IL6ST: variants seen among roughly 807,000 people sequenced by gnomAD.
The protein encoded by IL6ST is interleukin 6 cytokine family signal transducer.
A neutral mutation model predicts 91.3 loss-of-function variants in IL6ST; 24 were observed. That is an observed-to-expected ratio of 0.26 (90% CI 0.19 to 0.37). The LOEUF (loss-of-function observed/expected upper bound fraction) is 0.37. IL6ST is among the 10% of genes least tolerant of loss of function. The pLI is 1.00. For missense variants in IL6ST, 914 were observed against 1,078.5 expected (o/e 0.85, Z 2.14); for synonymous variants, 351 against 373.6 (o/e 0.94, Z 0.70).
At chr5:55,970,811 G>A (rs1752917608) in intron 3 of IL6ST, among the ~76,000 whole-genome samples, 1 of 152,152 alleles carries the variant, frequency 6.6e-6, no homozygotes, top group African/African-American at 2.4e-5. Flanking sequence ...GGAGGCTGAG[G>A]CATGAGAATC....
rs1010328786 is a variant in IL6ST at position 55,940,656 on chromosome 5, C to G, written c.*426G>C. The G allele has an allele frequency of 1.8e-5, 4 of 224,182 alleles. No individual in the cohort carries two copies. Among genetic ancestry groups the G allele is most frequent in the African/African-American group, 9.0e-5 (4 of 44,570 alleles). The allele number at this position is 224,182 out of a possible 1,614,324, so 13.9% of individuals were successfully genotyped here. ...GAAGTAGATGATGGTCTACACCTTG[C>G]TCCTCTTTTATATTAACTGTCCCTA... On this transcript the variant is annotated 3_prime_UTR_variant, in exon 17 of 17. Coordinates refer to ENST00000381298, the MANE Select transcript of IL6ST (RefSeq NM_002184.4).
rs1423909045 is a variant in IL6ST at position 55,937,168 on chromosome 5, A to T, written c.*3914T>A. The stretch of plus-strand genomic sequence containing the variant: ...CAGACAAAGCCTGTGTTCAAGAAAT[A>T]AAAAAAACATCTATCACTATCGGCC... On this transcript the variant is annotated 3_prime_UTR_variant, in exon 17 of 17. Transcript: ENST00000381298. The T allele has an allele frequency of 3.0e-5, 6 of 201,280 alleles. No individual in the cohort carries two copies. Among genetic ancestry groups the T allele is most frequent in the Non-Finnish European group, 4.8e-5 (5 of 103,828 alleles). The allele number at this position is 201,280 out of a possible 1,614,324, so 12.5% of individuals were successfully genotyped here.
chr5:55,941,850 G>T (rs368215119), intron 16 of IL6ST, 31 bp from the exon 17 acceptor site: 1 of 1,569,024 alleles, frequency 6.4e-7, no homozygotes, highest in Non-Finnish European at 8.7e-7. Flanking sequence ...TATATGGCAA[G>T]TATTAGTTAA....
chr5:55,977,013 T>C (rs778685854), intron 2 of IL6ST, among the ~76,000 whole-genome samples: 3 of 152,150 alleles, frequency 2.0e-5, no homozygotes, highest in Non-Finnish European at 4.4e-5. Context: ...TATACTCAAA[T>C]GTTCACAGCA....
intron 3 of IL6ST, among the ~76,000 whole-genome samples, chr5:55,974,956 T>TACACAC (rs3039924): frequency 4.4e-5 from 5 of 114,624 alleles, no homozygotes; most frequent in South Asian, 3.1e-4. Flanking sequence ...CACACACACA[T>TACACAC]ACACACACAC....
chr5:55,963,239 CA>C, intron 7 of IL6ST, 112 bp downstream of exon 7: 1 of 746,046 alleles, frequency 1.3e-6, no homozygotes, highest in South Asian at 2.1e-5. Flanking sequence ...GGTTATCAAG[CA>C]AAATATTTCA....
chr5:55,991,643 GAAT>G (rs985064074), intron 1 of IL6ST, among the ~76,000 whole-genome samples: 28 of 150,314 alleles, frequency 1.9e-4, no homozygotes, highest in African/African-American at 6.7e-4. Context: ...TTTAAAGGGT[GAAT>G]AATAATGCCA....
chr5:55,942,825 G>T, intron 15 of IL6ST, 74 bp from the exon 16 acceptor site: 1 of 776,970 alleles, frequency 1.3e-6, no homozygotes. Flanking sequence ...TTCTAAACAT[G>T]TTCATCAAAG....
intron 6 of IL6ST, 64 bp from the exon 7 acceptor site, chr5:55,963,570 T>C: frequency 8.9e-7 from 1 of 1,118,634 alleles, no homozygotes; most frequent in Admixed American, 2.1e-5. Flanking sequence ...AACTCAAATA[T>C]ACTCTTTATA....
At chr5:55,948,501 T>C (rs941674850) in intron 14 of IL6ST, among the ~76,000 whole-genome samples, 1 of 152,022 alleles carries the variant, frequency 6.6e-6, no homozygotes, top group African/African-American at 2.4e-5. Flanking sequence ...GAATAAACTA[T>C]GGGTTGGCAA....
intron 15 of IL6ST, among the ~76,000 whole-genome samples, chr5:55,943,110 C>T (rs913164266): frequency 1.3e-5 from 2 of 151,794 alleles, no homozygotes; most frequent in Non-Finnish European, 2.9e-5. Flanking sequence ...ATTAATGTTC[C>T]CACTGATACC....
chr5:55,989,714 GAATATGCAC>G (rs1219985235), intron 1 of IL6ST, among the ~76,000 whole-genome samples: 1 of 152,130 alleles, frequency 6.6e-6, no homozygotes, highest in Non-Finnish European at 1.5e-5. Flanking sequence ...TAGAGATGCA[GAATATGCAC>G]AAAGTGCCAC....
chr5:55,955,410 G>A lies in IL6ST; in HGVS notation c.1268-418C>T, dbSNP rs184497370. Among the ~76,000 whole-genome samples the A allele has an allele frequency of 9.1e-4, 139 of 152,190 alleles. 1 individual carries two copies. The highest frequency in any genetic ancestry group is 5.8e-3 in the Admixed American group (89 of 15,272). On this transcript the variant is annotated intron_variant, in intron 10 of 16. Coordinates refer to ENST00000381298, the MANE Select transcript of IL6ST (RefSeq NM_002184.4). Reference sequence around the variant, plus strand: ...AGGCAGAGGCTGAGATCGTGCCATTGCACTCCAGCCTAGGCGACAGAGCAA... The same window carrying A: ...AGGCAGAGGCTGAGATCGTGCCATTACACTCCAGCCTAGGCGACAGAGCAA...
rs1043310298 is a variant in IL6ST, at chr5:55,963,668, GA to G, written c.659-163del. On this transcript the variant is annotated intron_variant, in intron 6 of 16. Coordinates refer to ENST00000381298, the MANE Select transcript of IL6ST (RefSeq NM_002184.4). ...ATGCTATGCTATATACCTTATAATG[GA>G]AAAAAAAAGATTTCTAAAGAATCTT... Among the ~76,000 whole-genome samples the G allele has an allele frequency of 4.2e-3, 630 of 149,170 alleles. 4 individuals are homozygous for G. The highest frequency in any genetic ancestry group is 4.0e-3 in the Non-Finnish European group (268 of 67,194).
intron 6 of IL6ST, 118 bp downstream of exon 6, chr5:55,964,028 C>T (rs1752489848): frequency 6.5e-6 from 3 of 459,030 alleles, no homozygotes; most frequent in African/African-American, 2.0e-5. Flanking sequence ...CTAAAAACTA[C>T]ATTAATTAAA....
intron 5 of IL6ST, 106 bp downstream of exon 5, chr5:55,968,170 A>T (rs780849579): frequency 4.7e-5 from 48 of 1,019,620 alleles, no homozygotes; most frequent in Non-Finnish European, 6.4e-5. Context: ...TAAAAAATTA[A>T]ATGTTTTAAA....
intron 3 of IL6ST, among the ~76,000 whole-genome samples, chr5:55,971,418 C>A (rs1384135354): frequency 6.6e-6 from 1 of 152,190 alleles, no homozygotes; most frequent in Non-Finnish European, 1.5e-5. Context: ...AGTTACTGTT[C>A]TAAAATAATT....
At chr5:55,943,795 C>T (rs372325559) in intron 15 of IL6ST, among the ~76,000 whole-genome samples, 3 of 152,092 alleles carry the variant, frequency 2.0e-5, no homozygotes, top group South Asian at 2.1e-4. Flanking sequence ...AGCGGCTGGG[C>T]GCGGTGGCTC....
intron 5 of IL6ST, among the ~76,000 whole-genome samples, chr5:55,965,647 T>C (rs905702916): frequency 1.3e-5 from 2 of 151,866 alleles, no homozygotes; most frequent in Admixed American, 1.3e-4. Flanking sequence ...GATGACCCTG[T>C]AAAAGCATGT....
Sources: gnomAD v4.1 joint callset for allele counts (sites outside exome capture counted in the v4.1 genomes callset) on GRCh38, gnomAD v4.1.1 for gene constraint, MANE v1.5 for transcripts, NCBI Gene and HGNC (gene_info 2026-07-23, HGNC 2026-07-21) for gene names.